ATP2B2: variants seen among roughly 807,000 people sequenced by gnomAD.
The protein encoded by ATP2B2 is ATPase plasma membrane Ca2+ transporting 2.
ATP2B2 carries 15 observed loss-of-function variants against 120.0 expected under a neutral mutation model. The observed-to-expected ratio is 0.12, with a 90% CI of 0.08 to 0.19. The LOEUF is 0.19. Among genes scored for constraint, ATP2B2 ranks in the 10% least tolerant of loss-of-function variants. The pLI, the probability that ATP2B2 is intolerant of heterozygous loss-of-function variation, is 1.00. For synonymous variants in ATP2B2, 694 were observed against 700.3 expected (o/e 0.99, Z 0.14); for missense variants, 1,045 against 1,719.8 (o/e 0.61, Z 6.94).
chr3:10,502,556 C>A (rs2125409545), intron 1 of ATP2B2, among the ~76,000 whole-genome samples: 1 of 152,336 alleles, frequency 6.6e-6, no homozygotes, highest in African/African-American at 2.4e-5. Context: ...TTGGACAAGT[C>A]CCTGTGCCTG....
At chr3:10,628,075 G>A (rs11128520) in intron 1 of ATP2B2, among the ~76,000 whole-genome samples, 86,329 of 152,016 alleles carry the variant, frequency 0.57, 25,258 homozygotes, top group Middle Eastern at 0.67. Context: ...GGCACATTCC[G>A]GGACCAGCAG....
At chr3:10,608,388 C>T (rs1031428093) in intron 2 of ATP2B2, among the ~76,000 whole-genome samples, 30 of 152,328 alleles carry the variant, frequency 2.0e-4, no homozygotes, top group African/African-American at 7.2e-4. Context: ...TGTGCCACTG[C>T]ACTCCAGCCT....
chr3:10,679,245 T>C (rs923350934), intron 1 of ATP2B2, among the ~76,000 whole-genome samples: 3 of 152,354 alleles, frequency 2.0e-5, no homozygotes, highest in Non-Finnish European at 4.4e-5. Context: ...AATGCATGTA[T>C]GTTGTTTTAA....
At chr3:10,560,072 C>A (rs1332125650) in intron 2 of ATP2B2, among the ~76,000 whole-genome samples, 3 of 152,190 alleles carry the variant, frequency 2.0e-5, no homozygotes, top group African/African-American at 7.2e-5. Context: ...TGGCCCAGAC[C>A]CTTTCAAATC....
At chr3:10,510,046 G>A (rs1482816130), upstream of ATP2B2, among the ~76,000 whole-genome samples, 1 of 152,230 alleles carries the variant, frequency 6.6e-6, no homozygotes, top group Non-Finnish European at 1.5e-5. Flanking sequence ...CTGGCGGAGA[G>A]TAGGTGGCTT....
intron 18 of ATP2B2, among the ~76,000 whole-genome samples, chr3:10,344,905 C>A (rs1368045082): frequency 6.6e-6 from 1 of 152,168 alleles, no homozygotes; most frequent in Non-Finnish European, 1.5e-5. Context: ...CGACTCCCTC[C>A]AGTTATCCCC....
At chr3:10,453,409 T>C (rs2064135924) in intron 1 of ATP2B2, among the ~76,000 whole-genome samples, 1 of 152,184 alleles carries the variant, frequency 6.6e-6, no homozygotes, top group South Asian at 2.1e-4. Flanking sequence ...CTAGAACATA[T>C]GAAGAAACTG....
At chr3:10,545,050 C>T (rs1179733557) in intron 2 of ATP2B2, among the ~76,000 whole-genome samples, 1 of 152,062 alleles carries the variant, frequency 6.6e-6, no homozygotes, top group Admixed American at 6.6e-5. Flanking sequence ...TGCACAGCTA[C>T]GAAAATGCAT....
At chr3:10,344,835 C>T (rs1037118504) in intron 18 of ATP2B2, among the ~76,000 whole-genome samples, 1 of 152,212 alleles carries the variant, frequency 6.6e-6, no homozygotes, top group African/African-American at 2.4e-5. Flanking sequence ...AGGGCTGCTC[C>T]AGACCCAGTC....
intron 2 of ATP2B2, among the ~76,000 whole-genome samples, chr3:10,552,153 G>A (rs751048111): frequency 1.3e-5 from 2 of 152,232 alleles, no homozygotes; most frequent in African/African-American, 2.4e-5. Context: ...TCCCACGGCC[G>A]CCGCCTCGGT....
intron 2 of ATP2B2, among the ~76,000 whole-genome samples, chr3:10,412,530 G>A (rs922839759): frequency 1.4e-4 from 22 of 152,220 alleles, no homozygotes; most frequent in African/African-American, 5.3e-4. Context: ...TCAGCAAACC[G>A]GGAACAGCCT....
intron 22 of ATP2B2, among the ~76,000 whole-genome samples, chr3:10,331,256 T>C (rs1269656728): frequency 6.6e-6 from 1 of 152,214 alleles, no homozygotes; most frequent in Non-Finnish European, 1.5e-5. Context: ...TCTGATCTCC[T>C]GAAAAGTGAG....
rs1464470314 is a variant in ATP2B2 at position 10,327,395 on chromosome 3, C to T, written c.*1419G>A. The T allele has an allele frequency of 6.6e-6, 1 of 152,588 alleles. No individual in the cohort carries two copies. Among genetic ancestry groups the T allele is most frequent in the Admixed American group, 6.5e-5 (1 of 15,268 alleles). 9.5% of individuals were successfully genotyped at this position (152,588 alleles called of 1,614,324 possible). A position where few individuals can be genotyped will look rare whatever the true frequency, so the allele number is the denominator to read the frequency against. ...ATCTCAATATACACATCATAAGGTT[C>T]ATTCGGATCTAAATAGTGCAGAGAA... is the stretch of plus-strand genomic sequence containing the variant. On this transcript the variant is annotated 3_prime_UTR_variant, in exon 23 of 23. Transcript: ENST00000360273.
In ATP2B2 at chr3:10,353,920, T is replaced by A. The variant is rs146371271; in HGVS notation, c.2137-3343A>T. Among the ~76,000 whole-genome samples, 296 of 152,300 alleles carry A rather than the reference T, an allele frequency of 1.9e-3. 9 individuals are homozygous for A. In the East Asian group the frequency reaches 0.028, roughly 14 times the overall value. On this transcript the variant is annotated intron_variant, in intron 14 of 22. Transcript: ENST00000360273. The stretch of plus-strand genomic sequence containing the variant: ...TTCAGCAAGGCTGGGAGGAACTCTA[T>A]GACAGGGCACACAGAGCCCACGCAC...
chr3:10,438,379 C>T (rs973259692), intron 2 of ATP2B2, among the ~76,000 whole-genome samples: 3 of 152,308 alleles, frequency 2.0e-5, no homozygotes, highest in South Asian at 2.1e-4. Context: ...CAGTGTGGGC[C>T]GTTTCTCCTT....
Position 10,350,548 on chromosome 3 carries a change from C to G in ATP2B2, c.2166G>C (p.Arg722=). The G allele has an allele frequency of 6.2e-7, 1 of 1,613,820 alleles. No homozygotes were observed. ...EVPEAIRKCQ[R]AGITVRMVTG... ...TGACCATGCGGACCGTGATGCCTGCCCGCTGGCACTTGCGGATGGCTTCTG... is the reference window on the plus strand; with the variant it reads ...TGACCATGCGGACCGTGATGCCTGCGCGCTGGCACTTGCGGATGGCTTCTG... Residue 722 remains arginine (R), a synonymous_variant, in exon 15 of 23, where the codon CGG becomes CGC. Coordinates refer to ENST00000360273, the MANE Select transcript of ATP2B2 (RefSeq NM_001001331.4).
At chr3:10,441,411 T>C (rs1222648896) in intron 2 of ATP2B2, among the ~76,000 whole-genome samples, 2 of 152,222 alleles carry the variant, frequency 1.3e-5, no homozygotes, top group Non-Finnish European at 2.9e-5. Context: ...AGCTCATTTT[T>C]GTATTTTTAG....
At position 10,328,695 on chromosome 3, in the gene ATP2B2, G is replaced by A. The variant is rs1275139549; in HGVS notation, c.*119C>T. On this transcript the variant is annotated 3_prime_UTR_variant, in exon 23 of 23. Transcript: ENST00000360273. ...AACGTTGGTTTTCTCTCCAGTATTT[G>A]GTTTCCGATTGTTGCTCGTTGCTGC... The A allele has an allele frequency of 9.4e-7, 1 of 1,060,086 alleles. No individual in the cohort carries two copies. Among genetic ancestry groups the A allele is most frequent in the East Asian group, 2.6e-5 (1 of 38,432 alleles). 65.7% of individuals were successfully genotyped at this position (1,060,086 alleles called of 1,614,324 possible).
At chr3:10,663,513 A>G (rs1157744102) in intron 1 of ATP2B2, among the ~76,000 whole-genome samples, 1 of 152,162 alleles carries the variant, frequency 6.6e-6, no homozygotes, top group Non-Finnish European at 1.5e-5. Flanking sequence ...GCAGTGGTCC[A>G]GCCCAGGGAC....
Sources: allele counts gnomAD v4.1 joint callset (sites outside exome capture counted in the v4.1 genomes callset), GRCh38; gene constraint gnomAD v4.1.1; transcripts MANE v1.5; gene names NCBI Gene and HGNC (gene_info 2026-07-23, HGNC 2026-07-21).